Variants in ADAMTS18 observed in about 807,000 individuals in gnomAD.
ADAMTS18 encodes A disintegrin and metalloproteinase with thrombospondin motifs 18.
ADAMTS18 carries 157 observed loss-of-function variants against 165.9 expected under a neutral mutation model. That is an observed-to-expected ratio of 0.95 (90% CI 0.83 to 1.08). The LOEUF is 1.08. Among genes scored for constraint, ADAMTS18 ranks in the 50% least tolerant of loss-of-function variants. The pLI, the probability that ADAMTS18 is intolerant of heterozygous loss-of-function variation, is 0.00. For missense variants in ADAMTS18, 2,040 were observed against 1,534.0 expected (o/e 1.33, Z -5.51); for synonymous variants, 782 against 578.2 (o/e 1.35, Z -5.06).
intron 10 of ADAMTS18, among the ~76,000 whole-genome samples, chr16:77,342,646 C>T (rs1196049427): frequency 6.6e-6 from 1 of 152,180 alleles, no homozygotes; most frequent in African/African-American, 2.4e-5. Context: ...ACTCTCAAAC[C>T]AGGCCTATGA....
At chr16:77,294,083 C>A (rs894766661) in intron 19 of ADAMTS18, among the ~76,000 whole-genome samples, 1 of 152,118 alleles carries the variant, frequency 6.6e-6, no homozygotes, top group Non-Finnish European at 1.5e-5. Context: ...CACAGAAGAA[C>A]TGTCATCAGT....
At position 77,321,144 on chromosome 16, in the gene ADAMTS18, CA is replaced by C; in HGVS notation, c.2221del (p.Cys741AlafsTer106). ...CTTGCAAGTTGAATTATCACCTTTG[CA>C]AACGCCACAAGCATCTGAAACTGCT... ...SKAVSDACGVCKGDNSTCKFY... is the reference protein window; with the variant it reads ...SKAVSDACGVXKGDNSTCKFY... On this transcript the variant is annotated frameshift_variant, in exon 15 of 23. Coordinates refer to ENST00000282849, the MANE Select transcript of ADAMTS18 (RefSeq NM_199355.4). LOFTEE classifies it high-confidence loss of function. 6.2e-7 allele frequency: 1 copy of C among 1,614,190 alleles called. No homozygotes were observed. The highest frequency in any genetic ancestry group is 2.2e-5 in the East Asian group (1 of 44,886).
At chr16:77,398,210 G>C (rs2057283039) in intron 3 of ADAMTS18, among the ~76,000 whole-genome samples, 1 of 152,002 alleles carries the variant, frequency 6.6e-6, no homozygotes, top group Non-Finnish European at 1.5e-5. Flanking sequence ...CCAGCTGCTT[G>C]GGAGCCTGAG....
At chr16:77,327,220 GTTGT>G (rs2056110561) in intron 12 of ADAMTS18, among the ~76,000 whole-genome samples, 1 of 151,996 alleles carries the variant, frequency 6.6e-6, no homozygotes, top group Non-Finnish European at 1.5e-5. Flanking sequence ...ATTTCAATAG[GTTGT>G]TTGGTTACAT....
intron 7 of ADAMTS18, 57 bp from the exon 8 acceptor site, chr16:77,359,480 T>C (rs1597167622): frequency 1.4e-6 from 2 of 1,391,758 alleles, no homozygotes; most frequent in East Asian, 4.6e-5. Flanking sequence ...AGATACATGA[T>C]GATGATTTAT....
Position 77,335,897 on chromosome 16 carries a change from C to T in ADAMTS18, c.1718G>A (p.Arg573Gln), listed in dbSNP as rs753239146. The change falls in exon 12 of 23, where the codon CGG (arginine) becomes CAG (glutamine). Residue 573 changes from arginine to glutamine, a missense_variant. Coordinates refer to ENST00000282849, the MANE Select transcript of ADAMTS18 (RefSeq NM_199355.4). Reference protein sequence around the residue: ...GTVCGLSMWCRQGQCVKFGEL... With the variant: ...GTVCGLSMWCQQGQCVKFGEL... Reference sequence around the variant, plus strand: ...CCCAAACTTTACGCACTGGCCTTGCCGACACCACTGTGAAAAGAACGTGTA... The same window carrying T: ...CCCAAACTTTACGCACTGGCCTTGCTGACACCACTGTGAAAAGAACGTGTA... 29 of 1,614,016 alleles carry T rather than the reference C, an allele frequency of 1.8e-5. No homozygotes were observed. The highest frequency in any genetic ancestry group is 9.9e-5 in the South Asian group (9 of 91,086).
rs1277576031 is a variant in ADAMTS18, at chr16:77,320,054, C to T, written c.2327G>A (p.Ser776Asn). The part of the protein sequence containing the change: ...PVVLIPAGAR[S>N]IEIQELQVSS... ...AACCTGCAGCTCCTGGATTTCGATG[C>T]TTCGGGCGCCAGCTGGAATGAGGAC... The change falls in exon 16 of 23, where the codon AGC becomes AAC. Residue 776 changes from serine (S) to asparagine (N), a missense_variant. Physicochemically the swap from Ser to Asn is conservative, Grantham distance 46 (BLOSUM62 1). Transcript: ENST00000282849. 2.5e-6 allele frequency: 4 copies of T among 1,614,090 alleles called. No individual in the cohort carries two copies. The highest frequency in any genetic ancestry group is 1.3e-5 in the African/African-American group (1 of 75,028).
At chr16:77,289,083 TGGACAGCAAC>T (rs1219427560) in intron 22 of ADAMTS18, among the ~76,000 whole-genome samples, 171 bp downstream of exon 22, 1 of 152,176 alleles carries the variant, frequency 6.6e-6, no homozygotes, top group Non-Finnish European at 1.5e-5. Context: ...AAAGATTATT[TGGACAGCAAC>T]TTCCCCAGAG....
At chr16:77,284,829 G>T (rs1032968870) in intron 22 of ADAMTS18, among the ~76,000 whole-genome samples, 1 of 152,012 alleles carries the variant, frequency 6.6e-6, no homozygotes, top group Non-Finnish European at 1.5e-5. Flanking sequence ...GAGCATTAAG[G>T]GAGGGTGTGC....
At chr16:77,418,761 G>A in intron 3 of ADAMTS18, among the ~76,000 whole-genome samples, 1 of 152,180 alleles carries the variant, frequency 6.6e-6, no homozygotes, top group East Asian at 1.9e-4. Flanking sequence ...GGGACTATTT[G>A]GTGAACACCT....
At chr16:77,361,554 T>C (rs1015601419) in intron 7 of ADAMTS18, among the ~76,000 whole-genome samples, 25 of 152,288 alleles carry the variant, frequency 1.6e-4, no homozygotes, top group African/African-American at 5.8e-4. Context: ...TTAAATAATG[T>C]ATCTCACACC....
At chr16:77,366,626 G>A (rs1434003846) in intron 4 of ADAMTS18, among the ~76,000 whole-genome samples, 1 of 152,146 alleles carries the variant, frequency 6.6e-6, no homozygotes, top group Admixed American at 6.6e-5. Context: ...TTTTAAGTAT[G>A]TCCCAAACAA....
intron 3 of ADAMTS18, among the ~76,000 whole-genome samples, chr16:77,370,789 C>CAA (rs1567520085): frequency 1.5e-5 from 2 of 131,062 alleles, no homozygotes; most frequent in South Asian, 4.8e-4. Context: ...ATAATAGCTA[C>CAA]GATATATATA....
intron 11 of ADAMTS18, among the ~76,000 whole-genome samples, chr16:77,338,018 C>T (rs887116948): frequency 2.0e-5 from 3 of 151,824 alleles, no homozygotes; most frequent in Non-Finnish European, 4.4e-5. Flanking sequence ...ATTCTCCTGC[C>T]TCAGCCTTCC....
In ADAMTS18 at chr16:77,434,615, G is replaced by T. The variant is rs970298364; in HGVS notation, c.81C>A (p.Arg27=). 1.1e-4 allele frequency: 169 copies of T among 1,522,016 alleles called. No individual in the cohort carries two copies. Among genetic ancestry groups the T allele is most frequent in the Non-Finnish European group, 1.4e-4 (165 of 1,140,602 alleles). 94.3% of individuals were successfully genotyped at this position (1,522,016 alleles called of 1,614,324 possible). A position where few individuals can be genotyped will look rare whatever the true frequency, so the allele number is the denominator to read the frequency against. Residue 27 remains arginine, a synonymous_variant, in exon 1 of 23, where the codon CGC becomes CGA. Transcript: ENST00000282849. Reference sequence around the variant, plus strand: ...GCTCGGCGGCACCTGCCTTGGCCACGCGCCCCAGTCCCGCCAGGCCCCTCG... The same window carrying T: ...GCTCGGCGGCACCTGCCTTGGCCACTCGCCCCAGTCCCGCCAGGCCCCTCG... ...GPPRGLAGLG[R]VAKALQLCCL...
Position 77,431,264 on chromosome 16 carries a change from G to A in ADAMTS18, c.495+31C>T, listed in dbSNP as rs2057735874. 4 of 1,613,110 alleles carry A rather than the reference G, an allele frequency of 2.5e-6. No homozygotes were observed. In the African/African-American group the frequency reaches 4.0e-5, roughly 16 times the overall value. On this transcript the variant is annotated intron_variant, in intron 3 of 22. Coordinates refer to ENST00000282849, the MANE Select transcript of ADAMTS18 (RefSeq NM_199355.4). Reference sequence around the variant, plus strand: ...TTCAAGTTACACAAAACACGAAAGAGGGAGCTCAACTCAGACTGGGGTGTA... The same window carrying A: ...TTCAAGTTACACAAAACACGAAAGAAGGAGCTCAACTCAGACTGGGGTGTA...
At chr16:77,338,225 T>C (rs2056341591) in intron 11 of ADAMTS18, among the ~76,000 whole-genome samples, 1 of 151,716 alleles carries the variant, frequency 6.6e-6, no homozygotes, top group Non-Finnish European at 1.5e-5. Flanking sequence ...TACATACATA[T>C]TTTTCTTTGT....
intron 3 of ADAMTS18, among the ~76,000 whole-genome samples, chr16:77,407,593 G>C (rs749809579): frequency 1.4e-4 from 21 of 151,994 alleles, no homozygotes; most frequent in Non-Finnish European, 1.2e-4. Flanking sequence ...TTAGAATAAA[G>C]ACTTTTTTAA....
chr16:77,367,413 C>T (rs772093218), intron 4 of ADAMTS18, 28 bp downstream of exon 4: 1 of 1,613,672 alleles, frequency 6.2e-7, no homozygotes, highest in Non-Finnish European at 8.5e-7. Context: ...CACATAAGAA[C>T]AGAAAAAGAA....
Sources: allele counts gnomAD v4.1 joint callset (sites outside exome capture counted in the v4.1 genomes callset), GRCh38; gene constraint gnomAD v4.1.1; transcripts MANE v1.5; gene names NCBI Gene and HGNC (gene_info 2026-07-23, HGNC 2026-07-21).